PCBP3: variants seen among roughly 807,000 people sequenced by gnomAD.
PCBP3 encodes poly(rC)-binding protein 3.
A neutral mutation model predicts 52.7 loss-of-function variants in PCBP3; 25 were observed. The ratio of observed to expected loss-of-function variants is 0.47; its 90% CI spans 0.35 to 0.66. The LOEUF is 0.66. Ranked by LOEUF, PCBP3 falls within the 30% of genes least tolerant of loss-of-function variation. The pLI is 0.01. For missense variants in PCBP3, 391 were observed against 490.3 expected, an observed-to-expected ratio of 0.80 and a Z score of 1.91; for synonymous variants, 162 against 183.0, an observed-to-expected ratio of 0.89 and a Z score of 0.93.
At position 45,645,259 on chromosome 21, in the gene PCBP3, G is replaced by A. The variant is rs555988762; in HGVS notation, c.-279+1391G>A. 4.0e-3 allele frequency among the ~76,000 whole-genome samples: 606 copies of A among 151,498 alleles called. 1 individual carries two copies. The highest frequency in any genetic ancestry group is 6.7e-3 in the Admixed American group (102 of 15,226). ...CAGTATTTTTTTTTTTTGCTTGTAT[G>A]TAGATGCTGTTGTTTATACAGTGCA... is the stretch of plus-strand genomic sequence containing the variant. On this transcript the variant is annotated intron_variant, in intron 1 of 17. Coordinates refer to ENST00000681687, the MANE Select transcript of PCBP3 (RefSeq NM_001384156.1).
chr21:45,901,694 A>G (rs2096052867), intron 9 of PCBP3: 2 of 146,512 alleles, frequency 1.4e-5, no homozygotes, highest in Admixed American at 1.3e-4. Context: ...CAGAGAGATG[A>G]GAGAGAGAGA....
intron 5 of PCBP3, among the ~76,000 whole-genome samples, chr21:45,862,260 C>T (rs1055710667): frequency 6.6e-6 from 1 of 151,994 alleles, no homozygotes; most frequent in Non-Finnish European, 1.5e-5. Context: ...ATTCAAAATA[C>T]CTGGAATTGT....
chr21:45,691,412 T>A (rs979230221), intron 2 of PCBP3, among the ~76,000 whole-genome samples: 1 of 142,890 alleles, frequency 7.0e-6, no homozygotes, highest in African/African-American at 2.6e-5. Context: ...CATATATATA[T>A]TATATATATA....
At chr21:45,722,363 C>T (rs1181262472) in intron 2 of PCBP3, among the ~76,000 whole-genome samples, 5 of 152,180 alleles carry the variant, frequency 3.3e-5, no homozygotes, top group African/African-American at 1.2e-4. Context: ...TGAGGTCACT[C>T]TGCTATTTGT....
Position 45,685,054 on chromosome 21 carries a change from G to A in PCBP3, c.-200+16102G>A, listed in dbSNP as rs553437024. On this transcript the variant is annotated intron_variant, in intron 2 of 17. Coordinates refer to ENST00000681687, the MANE Select transcript of PCBP3 (RefSeq NM_001384156.1). ...CAGCTTGTTGGCTTGAACATTTTGA[G>A]TATTACAAACCATCATCCTAACATT... Among the ~76,000 whole-genome samples, 290 of 152,246 alleles carry A rather than the reference G, an allele frequency of 1.9e-3. 1 individual carries two copies. Among genetic ancestry groups the A allele is most frequent in the African/African-American group, 6.6e-3 (276 of 41,526 alleles).
intron 2 of PCBP3, among the ~76,000 whole-genome samples, chr21:45,683,682 T>C (rs2147602445): frequency 6.6e-6 from 1 of 152,256 alleles, no homozygotes; most frequent in African/African-American, 2.4e-5. Context: ...ATCCCAGCAC[T>C]TTGGGAGACT....
chr21:45,922,318 C>T (rs534511225), intron 13 of PCBP3, among the ~76,000 whole-genome samples: 2 of 152,278 alleles, frequency 1.3e-5, no homozygotes, highest in East Asian at 3.9e-4. Flanking sequence ...CTTTGAGAGG[C>T]CAAGATGGGA....
At chr21:45,906,413 G>A (rs967390597) in intron 9 of PCBP3, among the ~76,000 whole-genome samples, 22 of 152,130 alleles carry the variant, frequency 1.4e-4, no homozygotes, top group Non-Finnish European at 5.9e-5. Flanking sequence ...GGGTGGGGTC[G>A]GGCCGGGGAG....
chr21:45,740,025 T>C (rs912830637), intron 3 of PCBP3, among the ~76,000 whole-genome samples: 18 of 152,234 alleles, frequency 1.2e-4, no homozygotes, highest in African/African-American at 4.3e-4. Flanking sequence ...GAATTGCTTT[T>C]GCCTGAGTCC....
At chr21:45,774,041 G>A (rs1203644539) in intron 4 of PCBP3, among the ~76,000 whole-genome samples, 1 of 152,166 alleles carries the variant, frequency 6.6e-6, no homozygotes, top group African/African-American at 2.4e-5. Context: ...CTATTGGTGT[G>A]TGGAAATGCT....
At chr21:45,712,848 T>TACAC (rs1173149124) in intron 2 of PCBP3, among the ~76,000 whole-genome samples, 1 of 152,134 alleles carries the variant, frequency 6.6e-6, no homozygotes, top group Non-Finnish European at 1.5e-5. Flanking sequence ...GGACCACCTG[T>TACAC]ACACACCACC....
At chr21:45,645,009 A>G (rs1220366401) in intron 1 of PCBP3, among the ~76,000 whole-genome samples, 1 of 152,184 alleles carries the variant, frequency 6.6e-6, no homozygotes, top group Non-Finnish European at 1.5e-5. Context: ...ATAATTCATC[A>G]TCTTAAAGCG....
In PCBP3 at chr21:45,725,615, T is replaced by A. The variant is rs375552342; in HGVS notation, c.-199-9777T>A. ...AGTGGCAGGGGACACACAGGCAGGG[T>A]TCTTACCACCATGGAGCTTATTTCT... On this transcript the variant is annotated intron_variant, in intron 2 of 17. Coordinates refer to ENST00000681687, the MANE Select transcript of PCBP3 (RefSeq NM_001384156.1). Among the ~76,000 whole-genome samples, 184 of 151,994 alleles carry A rather than the reference T, an allele frequency of 1.2e-3. 1 individual carries two copies. Among genetic ancestry groups the A allele is most frequent in the Middle Eastern group, 6.8e-3 (2 of 294 alleles).
chr21:45,900,668 G>A (rs952775065), intron 8 of PCBP3, 45 bp downstream of exon 8: 2 of 1,323,068 alleles, frequency 1.5e-6, no homozygotes, highest in Non-Finnish European at 2.2e-6. Flanking sequence ...TTCCCGGGTG[G>A]GCGGGGTGGG....
chr21:45,805,326 A>G lies in PCBP3; in HGVS notation c.-125-44635A>G, dbSNP rs1293906958. ...ACCCCCCAGGTGGTGTCTGGGGGGGAAAGTAATTGGAAGATTATGGGTGGG... is the reference window on the plus strand; with the variant it reads ...ACCCCCCAGGTGGTGTCTGGGGGGGGAAGTAATTGGAAGATTATGGGTGGG... On this transcript the variant is annotated intron_variant, in intron 4 of 17. Coordinates refer to ENST00000681687, the MANE Select transcript of PCBP3 (RefSeq NM_001384156.1). This position sits in a 1 kb window ranked among gnomAD's most constrained non-coding sequence, Gnocchi z 4.6. Among the ~76,000 whole-genome samples, 1 of 151,434 alleles carries G rather than the reference A, an allele frequency of 6.6e-6. No homozygotes were observed. The highest frequency in any genetic ancestry group is 1.5e-5 in the Non-Finnish European group (1 of 67,872).
chr21:45,911,034 C>A lies in PCBP3; in HGVS notation c.600+4C>A. On this transcript the variant is annotated splice_donor_region_variant and intron_variant, in intron 11 of 17. Transcript: ENST00000681687. ...GATCTGTGTGGTCATGCTGGAGGTA[C>A]CGTCTGCGCGCCAGGGCCAGCCCAC... The A allele has an allele frequency of 2.5e-6, 4 of 1,608,778 alleles. No homozygotes were observed. The highest frequency in any genetic ancestry group is 3.4e-6 in the Non-Finnish European group (4 of 1,179,922).
At chr21:45,652,567 G>C (rs1278144237) in intron 1 of PCBP3, among the ~76,000 whole-genome samples, 1 of 151,686 alleles carries the variant, frequency 6.6e-6, no homozygotes, top group African/African-American at 2.4e-5. Flanking sequence ...TCAGGCTCCA[G>C]AGTAGCTGGG....
intron 1 of PCBP3, among the ~76,000 whole-genome samples, chr21:45,662,776 CT>C (rs1386694760): frequency 1.3e-5 from 2 of 152,136 alleles, no homozygotes; most frequent in Non-Finnish European, 2.9e-5. Context: ...TCTGTCACAC[CT>C]GGACAGGGCC....
chr21:45,923,106 C>T (rs749370281), intron 13 of PCBP3, among the ~76,000 whole-genome samples: 6 of 152,258 alleles, frequency 3.9e-5, no homozygotes, highest in Admixed American at 6.5e-5. Flanking sequence ...ATGAAGGGCA[C>T]GCGTGGGCTC....
Sources: gnomAD v4.1 joint callset for allele counts (sites outside exome capture counted in the v4.1 genomes callset) on GRCh38, gnomAD v4.1.1 for gene constraint, Gnocchi (gnomAD v3.1) non-coding constraint, MANE v1.5 for transcripts, NCBI Gene and HGNC (gene_info 2026-07-23, HGNC 2026-07-21) for gene names.